The following MICAL2 variants were observed in gnomAD, a reference collection of about 807,000 sequenced individuals.
MICAL2 encodes microtubule associated monooxygenase, calponin and LIM domain containing 2, also known as [F-actin]-monooxygenase MICAL2.
MICAL2 carries 77 observed loss-of-function variants against 127.3 expected under a neutral mutation model. The ratio of observed to expected loss-of-function variants is 0.60; its 90% CI spans 0.50 to 0.73. The LOEUF (loss-of-function observed/expected upper bound fraction) is 0.73, where lower values mean the gene tolerates loss of function less well. Ranked by LOEUF, MICAL2 falls within the 30% of genes least tolerant of loss-of-function variation. The pLI is 0.00. For synonymous variants in MICAL2, 570 were observed against 551.1 expected, an observed-to-expected ratio of 1.03 and a Z score of -0.48; for missense variants, 1,351 against 1,434.4, an observed-to-expected ratio of 0.94 and a Z score of 0.94.
intron 3 of MICAL2, among the ~76,000 whole-genome samples, chr11:12,166,622 A>C (rs1035500073): frequency 4.6e-5 from 7 of 152,212 alleles, no homozygotes; most frequent in African/African-American, 1.7e-4. Context: ...TACTTCATGG[A>C]GTTACCATGA....
chr11:12,282,897 A>G (rs1039387638), intron 2 of MICAL2, among the ~76,000 whole-genome samples: 1 of 152,214 alleles, frequency 6.6e-6, no homozygotes, highest in African/African-American at 2.4e-5. Context: ...ACAAAAAAAC[A>G]TGACTCAGTG....
At position 12,156,772 on chromosome 11, in the gene MICAL2, C is replaced by T. The variant is rs556007636; in HGVS notation, c.-77-5307C>T. Among the ~76,000 whole-genome samples the T allele has an allele frequency of 2.0e-5, 3 of 152,316 alleles. No individual in the cohort carries two copies. The East Asian group carries it at 5.8e-4, about 29-fold the overall frequency. The stretch of plus-strand genomic sequence containing the variant: ...TGGAAGGCATCTCGCACTGCTGAGC[C>T]CCTGGCTGGCTCCTGCCTCATCTCA... On this transcript the variant is annotated intron_variant, in intron 2 of 27. Transcript: ENST00000683283.
At position 12,312,780 on chromosome 11, in the gene MICAL2, A is replaced by G. The variant is rs1864188604; in HGVS notation, c.5213-6916A>G. 2.0e-5 allele frequency among the ~76,000 whole-genome samples: 3 copies of G among 152,348 alleles called. No homozygotes were observed. In the South Asian group the frequency reaches 6.2e-4, roughly 32 times the overall value. ...TGCTAATAGACTGGGGAAACCCAGC[A>G]AGGCCTGTCTCTTCAGATCTTTCTT... is the stretch of plus-strand genomic sequence containing the variant. On this transcript the variant is annotated intron_variant, in intron 29 of 34. Coordinates refer to the MICAL2 transcript ENST00000646065.
intron 4 of MICAL2, among the ~76,000 whole-genome samples, chr11:12,207,102 C>G (rs545982507): frequency 2.0e-5 from 3 of 152,258 alleles, no homozygotes; most frequent in East Asian, 3.9e-4. Flanking sequence ...TTATTGGGCT[C>G]TTGTCACCTT....
At position 12,286,705 on chromosome 11, in the gene MICAL2, T is replaced by C. The variant is rs200803058; in HGVS notation, c.255-382T>C. 5.3e-5 allele frequency among the ~76,000 whole-genome samples: 8 copies of C among 151,982 alleles called. No individual in the cohort carries two copies. In the East Asian group the frequency reaches 1.2e-3, roughly 22 times the overall value. ...GCAACACAGTGGGACCCTGTCTCTA[T>C]AAAAAATAAAAATTAAAAAATTATC... On this transcript the variant is annotated intron_variant, in intron 2 of 2. Transcript: ENST00000529028.
chr11:12,242,426 T>C lies in MICAL2; in HGVS notation c.2550T>C (p.Ile850=). ...LWRLQQVEEK[I]LQKRAQNLAN... is the part of the protein sequence containing the mutation. ...GGCTGCAGCAAGTGGAGGAAAAGAT[T>C]CTCCAGGTGAGAGACTCACTTTTTG... Residue 850 remains isoleucine, a synonymous_variant, in exon 19 of 28, where the codon ATT becomes ATC. Transcript: ENST00000683283. 6.2e-7 allele frequency: 1 copy of C among 1,602,986 alleles called. No homozygotes were observed. Among genetic ancestry groups the C allele is most frequent in the Non-Finnish European group, 8.5e-7 (1 of 1,172,974 alleles).
intron 3 of MICAL2, among the ~76,000 whole-genome samples, chr11:12,190,482 ATT>A (rs987739265): frequency 6.6e-6 from 1 of 152,160 alleles, no homozygotes; most frequent in African/African-American, 2.4e-5. Flanking sequence ...GAAGCTACTT[ATT>A]TCATTGGTAA....
chr11:12,198,473 T>C (rs1414899059), intron 3 of MICAL2, among the ~76,000 whole-genome samples: 1 of 152,086 alleles, frequency 6.6e-6, no homozygotes, highest in African/African-American at 2.4e-5. Flanking sequence ...CACCTTGAAT[T>C]TGAAAACTCT....
At chr11:12,122,505 T>C (rs1850588838) in intron 1 of MICAL2, among the ~76,000 whole-genome samples, 1 of 152,142 alleles carries the variant, frequency 6.6e-6, no homozygotes, top group Admixed American at 6.5e-5. Context: ...GCTTCCCAGG[T>C]TCAAGCAATT....
intron 15 of MICAL2, among the ~76,000 whole-genome samples, chr11:12,235,635 T>G (rs895666942): frequency 6.6e-6 from 1 of 152,212 alleles, no homozygotes; most frequent in East Asian, 1.9e-4. Context: ...AGACTTGATT[T>G]GCCATCAAAT....
intron 33 of MICAL2, among the ~76,000 whole-genome samples, chr11:12,352,007 C>T (rs1305926479): frequency 1.3e-5 from 2 of 152,012 alleles, no homozygotes; most frequent in Non-Finnish European, 2.9e-5. Flanking sequence ...AGGCTGGTCT[C>T]GAACTCCTGA....
chr11:12,325,310 A>G (rs1864342267), intron 31 of MICAL2, among the ~76,000 whole-genome samples: 1 of 152,064 alleles, frequency 6.6e-6, no homozygotes, highest in African/African-American at 2.4e-5. Flanking sequence ...GGTTTTCACC[A>G]TGTTGGCTAG....
chr11:12,124,480 C>G (rs143528069), intron 1 of MICAL2, among the ~76,000 whole-genome samples: 1 of 152,188 alleles, frequency 6.6e-6, no homozygotes, highest in Admixed American at 6.5e-5. Context: ...CTTAACGTTA[C>G]GTGTTCTCAG....
At position 12,226,054 on chromosome 11, in the gene MICAL2, AC is replaced by A; in HGVS notation, c.1689-115del. 9 of 951,032 alleles carry A rather than the reference AC, an allele frequency of 9.5e-6. 1 individual carries two copies. In the South Asian group the frequency reaches 1.3e-4, roughly 14 times the overall value. The allele number at this position is 951,032 out of a possible 1,614,324, so 58.9% of individuals were successfully genotyped here. ...CTGGGGTCACTATTCCTCCCCTGTA[AC>A]CTGCCGACACCTGGCAGAGTGTCAC... On this transcript the variant is annotated intron_variant, in intron 13 of 27. Transcript: ENST00000683283.
At chr11:12,151,814 G>C (rs1032415538) in intron 2 of MICAL2, among the ~76,000 whole-genome samples, 1 of 152,120 alleles carries the variant, frequency 6.6e-6, no homozygotes, top group East Asian at 1.9e-4. Context: ...TGCTAGCAAG[G>C]GTCCAGGAGG....
intron 2 of MICAL2, among the ~76,000 whole-genome samples, chr11:12,143,830 C>T (rs1852596298): frequency 6.6e-6 from 1 of 152,092 alleles, no homozygotes; most frequent in African/African-American, 2.4e-5. Flanking sequence ...TTAAGGATGA[C>T]ATTTGCAAGG....
At chr11:12,115,924 G>T (rs1589957931) in intron 1 of MICAL2, among the ~76,000 whole-genome samples, 1 of 151,122 alleles carries the variant, frequency 6.6e-6, no homozygotes, top group African/African-American at 2.4e-5. Flanking sequence ...TTATTTCCAC[G>T]ATGAACATAT....
chr11:12,182,847 C>CCT (rs1857650727), intron 3 of MICAL2, among the ~76,000 whole-genome samples: 1 of 152,170 alleles, frequency 6.6e-6, no homozygotes, highest in African/African-American at 2.4e-5. Flanking sequence ...GTAGGCCGAT[C>CCT]CTCTGCTCAC....
intron 22 of MICAL2, chr11:12,253,570 TG>T (rs1316043078): frequency 4.6e-5 from 7 of 152,130 alleles, no homozygotes; most frequent in Non-Finnish European, 7.4e-5. Flanking sequence ...CCAAATAAAG[TG>T]GGGATGTTTC....
Sources: allele counts gnomAD v4.1 joint callset (sites outside exome capture counted in the v4.1 genomes callset), GRCh38; gene constraint gnomAD v4.1.1; transcripts MANE v1.5; gene names NCBI Gene and HGNC (gene_info 2026-07-23, HGNC 2026-07-21).